Variants in SCN2A observed in about 807,000 individuals in gnomAD.
The protein encoded by SCN2A is sodium channel protein type 2 subunit alpha.
Under a neutral mutation model 188.7 loss-of-function variants are expected in SCN2A, and 20 were observed. The ratio of observed to expected loss-of-function variants is 0.11; its 90% CI spans 0.07 to 0.15. SCN2A has a LOEUF of 0.15. Ranked by LOEUF, SCN2A falls within the 10% of genes least tolerant of loss-of-function variation. The pLI is 1.00. For missense variants in SCN2A, 1,278 were observed against 2,445.0 expected, an observed-to-expected ratio of 0.52 and a Z score of 10.07; for synonymous variants, 804 against 833.1, an observed-to-expected ratio of 0.97 and a Z score of 0.60.
chr2:165,303,469 A>G (rs923641187), intron 3 of SCN2A, among the ~76,000 whole-genome samples: 4 of 151,400 alleles, frequency 2.6e-5, no homozygotes, highest in South Asian at 2.1e-4. Flanking sequence ...TAGAGACGGT[A>G]TTTCACCGTG....
Position 165,297,108 on chromosome 2 carries a change from A to T in SCN2A, c.359A>T (p.Lys120Ile), listed in dbSNP as rs1696551190. 3.7e-6 allele frequency: 6 copies of T among 1,603,816 alleles called. No individual in the cohort carries two copies. The highest frequency in any genetic ancestry group is 5.1e-6 in the Non-Finnish European group (6 of 1,171,092). ...YILTPFNPIR[K>I]LAIKILVHSL... Reference sequence around the variant, plus strand: ...TTAACTCCCTTCAACCCTATTAGAAAATTAGCTATTAAGATTTTGGTACAT... The same window carrying T: ...TTAACTCCCTTCAACCCTATTAGAATATTAGCTATTAAGATTTTGGTACAT... Residue 120 changes from lysine to isoleucine, a missense_variant, in exon 3 of 27, where the codon AAA becomes ATA. Transcript: ENST00000375437.
chr2:165,334,286 C>T (rs1212913048), intron 14 of SCN2A, among the ~76,000 whole-genome samples: 1 of 151,512 alleles, frequency 6.6e-6, no homozygotes, highest in Non-Finnish European at 1.5e-5. Flanking sequence ...CTAGAATTAC[C>T]CTGATATTAA....
At chr2:165,293,884 G>C (rs1389253587) in intron 1 of SCN2A, 1 of 984,826 alleles carries the variant, frequency 1.0e-6, no homozygotes, top group African/African-American at 1.8e-5. Context: ...TCTCTTCACA[G>C]TTCCCCGCCC....
intron 15 of SCN2A, among the ~76,000 whole-genome samples, chr2:165,342,976 C>T (rs1699392367): frequency 6.6e-6 from 1 of 152,208 alleles, no homozygotes; most frequent in South Asian, 2.1e-4. Context: ...ATCAGAAAAT[C>T]ACCAAATCAC....
chr2:165,327,185 A>G, intron 13 of SCN2A: 1 of 573,182 alleles, frequency 1.7e-6, no homozygotes, highest in Non-Finnish European at 3.0e-6. Flanking sequence ...GCCTCCAGAA[A>G]GCTGCTGCAA....
At chr2:165,348,634 G>A (rs1021151130) in intron 16 of SCN2A, among the ~76,000 whole-genome samples, 1 of 152,176 alleles carries the variant, frequency 6.6e-6, no homozygotes, top group Admixed American at 6.5e-5. Context: ...TGTGGGTCAG[G>A]ATTTGGGGAA....
intron 6 of SCN2A, 80 bp from the exon 7 acceptor site, chr2:165,310,243 G>T: frequency 1.4e-6 from 2 of 1,432,644 alleles, no homozygotes; most frequent in South Asian, 1.1e-5. Context: ...TTATTTTCCA[G>T]GACAAGCTCA....
chr2:165,350,500 T>A (rs1444539139), intron 16 of SCN2A, among the ~76,000 whole-genome samples: 1 of 118,134 alleles, frequency 8.5e-6, no homozygotes, highest in Non-Finnish European at 1.7e-5. Flanking sequence ...TGAGACGGAG[T>A]CTCGCTCTGT....
At position 165,390,877 on chromosome 2, in the gene SCN2A, G is replaced by T. The variant is rs1702098906; in HGVS notation, c.*1053G>T. ...TTTAGCCATCTTCTGCTCTTGGTAAGGTTGACATAGTATATGTCAATTTAA... is the reference window on the plus strand; with the variant it reads ...TTTAGCCATCTTCTGCTCTTGGTAATGTTGACATAGTATATGTCAATTTAA... On this transcript the variant is annotated 3_prime_UTR_variant, in exon 27 of 27. Coordinates refer to ENST00000375437, the MANE Select transcript of SCN2A (RefSeq NM_001040142.2). 6.6e-6 allele frequency: 1 copy of T among 152,466 alleles called. No individual in the cohort carries two copies. Among genetic ancestry groups the T allele is most frequent in the African/African-American group, 2.4e-5 (1 of 41,408 alleles). The allele number at this position is 152,466 out of a possible 1,614,324, so 9.4% of individuals were successfully genotyped here.
intron 11 of SCN2A, among the ~76,000 whole-genome samples, chr2:165,318,026 A>G (rs946565780): frequency 8.5e-5 from 13 of 152,146 alleles, no homozygotes; most frequent in Non-Finnish European, 1.5e-4. Flanking sequence ...GTAATACTGA[A>G]AATGTCAAAC....
chr2:165,307,217 C>A lies in SCN2A; in HGVS notation c.387-631C>A, dbSNP rs147507762. 1.2e-3 allele frequency among the ~76,000 whole-genome samples: 182 copies of A among 152,204 alleles called. 3 individuals carry two copies. Among genetic ancestry groups the A allele is most frequent in the Middle Eastern group, 0.01 (3 of 294 alleles). On this transcript the variant is annotated intron_variant, in intron 3 of 26. Coordinates refer to ENST00000375437, the MANE Select transcript of SCN2A (RefSeq NM_001040142.2). ...ATTTTAACAAATTTGATCTTCATAGCAATCCTGTTACATGATTACTTTTTC... is the reference window on the plus strand; with the variant it reads ...ATTTTAACAAATTTGATCTTCATAGAAATCCTGTTACATGATTACTTTTTC...
At chr2:165,357,305 A>G (rs1700228054) in intron 17 of SCN2A, among the ~76,000 whole-genome samples, 1 of 152,168 alleles carries the variant, frequency 6.6e-6, no homozygotes, top group Non-Finnish European at 1.5e-5. Flanking sequence ...TCATTTTTCT[A>G]ACTGGGGGAC....
intron 21 of SCN2A, 106 bp downstream of exon 21, chr2:165,373,453 C>A: frequency 8.1e-7 from 1 of 1,239,532 alleles, no homozygotes. Flanking sequence ...CTTACACATT[C>A]ATACTGACAT....
chr2:165,256,751 C>A (rs1694343820), intron 1 of SCN2A, among the ~76,000 whole-genome samples: 2 of 152,112 alleles, frequency 1.3e-5, no homozygotes, highest in African/African-American at 4.8e-5. Context: ...TTAAAATGTT[C>A]TCTTCTGCTT....
rs191081409 is a variant in SCN2A at position 165,337,089 on chromosome 2, A to C, written c.2389-5207A>C. On this transcript the variant is annotated intron_variant, in intron 14 of 26. Coordinates refer to ENST00000375437, the MANE Select transcript of SCN2A (RefSeq NM_001040142.2). ...TAAAGGAAAAAAAGGGGTCATAAGG[A>C]ATAAACAGAGAACATGAGCAGAAAA... Among the ~76,000 whole-genome samples, 651 of 152,150 alleles carry C rather than the reference A, an allele frequency of 4.3e-3. 1 individual carries two copies. The highest frequency in any genetic ancestry group is 6.9e-3 in the Non-Finnish European group (466 of 67,898).
intron 7 of SCN2A, 100 bp from the exon 8 acceptor site, chr2:165,311,925 T>C: frequency 1.3e-6 from 1 of 750,186 alleles, no homozygotes; most frequent in East Asian, 2.7e-5. Flanking sequence ...ATCCATCTCA[T>C]TATGATTGAA....
chr2:165,307,010 T>C (rs1697174805), intron 3 of SCN2A, among the ~76,000 whole-genome samples: 1 of 152,172 alleles, frequency 6.6e-6, no homozygotes, highest in Non-Finnish European at 1.5e-5. Context: ...TTTTGGTTTT[T>C]GTCTTTTGCT....
At chr2:165,349,207 A>G (rs1357451808) in intron 16 of SCN2A, among the ~76,000 whole-genome samples, 1 of 152,254 alleles carries the variant, frequency 6.6e-6, no homozygotes, top group African/African-American at 2.4e-5. Flanking sequence ...CGCAGAGAAC[A>G]GAATCCTTTA....
chr2:165,342,563 A>T lies in SCN2A; in HGVS notation c.2562+94A>T, dbSNP rs1215631186. 11 of 1,339,988 alleles carry T rather than the reference A, an allele frequency of 8.2e-6. No individual in the cohort carries two copies. In the African/African-American group the frequency reaches 1.4e-4, roughly 18 times the overall value. 83.0% of individuals were successfully genotyped at this position (1,339,988 alleles called of 1,614,324 possible). A position where few individuals can be genotyped will look rare whatever the true frequency, so the allele number is the denominator to read the frequency against. On this transcript the variant is annotated intron_variant, in intron 15 of 26. Coordinates refer to ENST00000375437, the MANE Select transcript of SCN2A (RefSeq NM_001040142.2). ...AATGGCAAGATTTCCCATCATTATAATATTATTTGAATACACTTCTAAAAC... is the reference window on the plus strand; with the variant it reads ...AATGGCAAGATTTCCCATCATTATATTATTATTTGAATACACTTCTAAAAC...
Sources: gnomAD v4.1 joint callset for allele counts (sites outside exome capture counted in the v4.1 genomes callset) on GRCh38, gnomAD v4.1.1 for gene constraint, MANE v1.5 for transcripts, NCBI Gene and HGNC (gene_info 2026-07-23, HGNC 2026-07-21) for gene names.